NOX5: variants seen among roughly 807,000 people sequenced by gnomAD.
NOX5 encodes the protein NADPH oxidase 5.
In NOX5, 76 loss-of-function variants were observed where a neutral mutation model predicts 85.7. That is an observed-to-expected ratio of 0.89 (90% CI 0.74 to 1.07). The LOEUF is 1.07. Among genes scored for constraint, NOX5 ranks in the 50% least tolerant of loss-of-function variants. NOX5 has a pLI of 0.00. For synonymous variants in NOX5, 405 were observed against 401.4 expected (o/e 1.01, Z -0.11); for missense variants, 973 against 999.5 (o/e 0.97, Z 0.36).
Position 69,058,722 on chromosome 15 carries a change from C to A in NOX5, c.*2026C>A, listed in dbSNP as rs2050843131. Reference sequence around the variant, plus strand: ...AGGCACACAACTCACCAGGGAAACTCACACCTGGAGTTTTACCAGCCTGAG... The same window carrying A: ...AGGCACACAACTCACCAGGGAAACTAACACCTGGAGTTTTACCAGCCTGAG... On this transcript the variant is annotated 3_prime_UTR_variant, in exon 16 of 16. Coordinates refer to ENST00000388866, the MANE Select transcript of NOX5 (RefSeq NM_024505.4). The A allele has an allele frequency of 6.6e-6, 1 of 152,254 alleles. No homozygotes were observed. Among genetic ancestry groups the A allele is most frequent in the South Asian group, 2.1e-4 (1 of 4,816 alleles). The allele number at this position is 152,254 out of a possible 1,614,324, so 9.4% of individuals were successfully genotyped here. A position where few individuals can be genotyped will look rare whatever the true frequency, so the allele number is the denominator to read the frequency against.
rs1051195901 is a variant in NOX5, at chr15:69,060,629, G to T, written c.*3933G>T. 6.6e-6 allele frequency: 1 copy of T among 152,130 alleles called. No homozygotes were observed. The highest frequency in any genetic ancestry group is 2.4e-5 in the African/African-American group (1 of 41,416). The allele number at this position is 152,130 out of a possible 1,614,324, so 9.4% of individuals were successfully genotyped here. A position where few individuals can be genotyped will look rare whatever the true frequency, so the allele number is the denominator to read the frequency against. On this transcript the variant is annotated 3_prime_UTR_variant, in exon 16 of 16. Transcript: ENST00000388866. The stretch of plus-strand genomic sequence containing the variant: ...TTTTTGTTTTACTTTTTGCCCTTCT[G>T]TAAAGTTTAAGTTTTTATTAATATT...
At chr15:69,018,783 CGGGCCA>C (rs1309525837) in intron 1 of NOX5, among the ~76,000 whole-genome samples, 1 of 152,128 alleles carries the variant, frequency 6.6e-6, no homozygotes, top group East Asian at 1.9e-4. Context: ...AGCCACATCC[CGGGCCA>C]GAGCTCACTG....
rs1215243695 is a variant in NOX5 at position 69,060,301 on chromosome 15, G to A, written c.*3605G>A. The A allele has an allele frequency of 6.6e-6, 1 of 152,376 alleles. No homozygotes were observed. The highest frequency in any genetic ancestry group is 1.5e-5 in the Non-Finnish European group (1 of 68,136). 9.4% of individuals were successfully genotyped at this position (152,376 alleles called of 1,614,324 possible). A position where few individuals can be genotyped will look rare whatever the true frequency, so the allele number is the denominator to read the frequency against. ...GACAAGGTTGAAGGTAGGGAGGGAT[G>A]AGGAACATTAGCCGAGACTGGCTCT... On this transcript the variant is annotated 3_prime_UTR_variant, in exon 16 of 16. Transcript: ENST00000388866.
At position 69,055,473 on chromosome 15, in the gene NOX5, C is replaced by T; in HGVS notation, c.2139C>T (p.Thr713=). 6.2e-7 allele frequency: 1 copy of T among 1,614,076 alleles called. No homozygotes were observed. Among genetic ancestry groups the T allele is most frequent in the Non-Finnish European group, 8.5e-7 (1 of 1,180,022 alleles). The change falls in exon 15 of 16, where the codon ACC becomes ACT. Residue 713 remains threonine, a synonymous_variant. Transcript: ENST00000388866. ...KDSITGLQTR[T]QPGRPDWSKV... ...CCATCACGGGGCTGCAGACGCGCACCCAGCCTGGGCGGCCTGACTGGAGCA... is the reference window on the plus strand; with the variant it reads ...CCATCACGGGGCTGCAGACGCGCACTCAGCCTGGGCGGCCTGACTGGAGCA...
chr15:69,033,692 C>A (rs796728457), intron 5 of NOX5, among the ~76,000 whole-genome samples: 1 of 136,390 alleles, frequency 7.3e-6, no homozygotes, highest in African/African-American at 2.9e-5. Context: ...TTTTTTCTTT[C>A]TTTTTTTTCT....
chr15:69,047,983 C>G (rs1035497709), intron 13 of NOX5, 72 bp downstream of exon 13: 2 of 1,372,688 alleles, frequency 1.5e-6, no homozygotes, highest in Non-Finnish European at 2.1e-6. Context: ...GGAGCCCATC[C>G]TCCTGTGCAA....
At chr15:69,033,309 A>C in intron 5 of NOX5, 32 bp downstream of exon 5, 1 of 1,582,754 alleles carries the variant, frequency 6.3e-7, no homozygotes, top group East Asian at 2.3e-5. Context: ...TGCTCTGAAA[A>C]TGTTAATTAG....
In NOX5 at chr15:69,055,433, A is replaced by G. The variant is rs2050799698; in HGVS notation, c.2099A>G (p.Lys700Arg). 3 of 1,614,202 alleles carry G rather than the reference A, an allele frequency of 1.9e-6. No homozygotes were observed. Among genetic ancestry groups the G allele is most frequent in the Non-Finnish European group, 2.5e-6 (3 of 1,180,044 alleles). The change falls in exon 15 of 16, where the codon AAG becomes AGG. Residue 700 changes from lysine to arginine, a missense_variant. Coordinates refer to ENST00000388866, the MANE Select transcript of NOX5 (RefSeq NM_024505.4). Reference sequence around the variant, plus strand: ...ATGGCCCTTGACCTCCTGGCCAACAAGGAGAAGAAAGACTCCATCACGGGG... The same window carrying G: ...ATGGCCCTTGACCTCCTGGCCAACAGGGAGAAGAAAGACTCCATCACGGGG... ...LQMALDLLAN[K>R]EKKDSITGLQ...
chr15:69,035,687 G>GA, intron 6 of NOX5, 71 bp from the exon 7 acceptor site: 1 of 1,581,684 alleles, frequency 6.3e-7, no homozygotes, highest in East Asian at 2.2e-5. Flanking sequence ...GCAGGGTGGG[G>GA]ATCCCAATGG....
chr15:69,052,455 T>C (rs1240164554), intron 14 of NOX5, among the ~76,000 whole-genome samples: 1 of 152,238 alleles, frequency 6.6e-6, no homozygotes, highest in Non-Finnish European at 1.5e-5. Context: ...CATTGTTTTG[T>C]TTTCCTTATA....
Position 69,047,836 on chromosome 15 carries a change from G to A in NOX5, c.1824G>A (p.Gln608=), listed in dbSNP as rs1421626107. The A allele has an allele frequency of 6.2e-7, 1 of 1,614,048 alleles. No homozygotes were observed. Among genetic ancestry groups the A allele is most frequent in the South Asian group, 1.1e-5 (1 of 91,068 alleles). Reference sequence around the variant, plus strand: ...TCCTCCTGCCTCCCCTCAGGCACCAGAAAAGAAAGCATACTTGCCCCAGCT... The same window carrying A: ...TCCTCCTGCCTCCCCTCAGGCACCAAAAAAGAAAGCATACTTGCCCCAGCT... ...SILQSIMYRH[Q]KRKHTCPSCQ... Residue 608 remains glutamine (Q), a synonymous_variant, in exon 13 of 16, where the codon CAG becomes CAA. Coordinates refer to ENST00000388866, the MANE Select transcript of NOX5 (RefSeq NM_024505.4).
At chr15:69,031,359 G>A in intron 3 of NOX5, 159 bp from the exon 4 acceptor site, 1 of 727,972 alleles carries the variant, frequency 1.4e-6, no homozygotes, top group Non-Finnish European at 2.2e-6. Context: ...CCCGTGGGGA[G>A]GTGTCCATTG....
chr15:69,042,738 C>T lies in NOX5; in HGVS notation c.1580C>T (p.Pro527Leu). ...TATGAGTCCTTCAAGGCATCAGACCCACTGGGCCGTGGTTCTAAGAGGCTG... is the reference window on the plus strand; with the variant it reads ...TATGAGTCCTTCAAGGCATCAGACCTACTGGGCCGTGGTTCTAAGAGGCTG... Reference protein sequence around the residue: ...RLYESFKASDPLGRGSKRLSR... With the variant: ...RLYESFKASDLLGRGSKRLSR... Residue 527 changes from proline to leucine, a missense_variant, in exon 10 of 16, where the codon CCA (proline) becomes CTA (leucine). By Grantham distance (98) the Pro-to-Leu change is moderately conservative. Coordinates refer to ENST00000388866, the MANE Select transcript of NOX5 (RefSeq NM_024505.4). 6.2e-7 allele frequency: 1 copy of T among 1,614,174 alleles called. No homozygotes were observed. The highest frequency in any genetic ancestry group is 8.5e-7 in the Non-Finnish European group (1 of 1,180,036).
chr15:69,026,517 T>C lies in NOX5; in HGVS notation c.51-11T>C. The stretch of plus-strand genomic sequence containing the variant: ...CCCCAAGCCCATAAACCTGTTTCCT[T>C]TGCCTCCCAGCACCATGAGTGCCGA... On this transcript the variant is annotated splice_polypyrimidine_tract_variant and intron_variant, in intron 1 of 15. Coordinates refer to ENST00000388866, the MANE Select transcript of NOX5 (RefSeq NM_024505.4). 1 of 1,613,966 alleles carries C rather than the reference T, an allele frequency of 6.2e-7. No individual in the cohort carries two copies. Among genetic ancestry groups the C allele is most frequent in the Non-Finnish European group, 8.5e-7 (1 of 1,179,934 alleles).
chr15:69,033,708 T>C (rs1346937062), intron 5 of NOX5, among the ~76,000 whole-genome samples: 2 of 149,582 alleles, frequency 1.3e-5, no homozygotes, highest in Non-Finnish European at 3.0e-5. Flanking sequence ...TTTCTTTTTT[T>C]TTTTTTTTTG....
chr15:69,036,972 G>C (rs1334290789), intron 7 of NOX5, 56 bp from the exon 8 acceptor site: 1 of 1,419,696 alleles, frequency 7.0e-7, no homozygotes, highest in African/African-American at 1.4e-5. Context: ...TCCTGGCTCT[G>C]TTCCACCCCC....
intron 1 of NOX5, chr15:69,023,847 T>C: frequency 5.6e-6 from 1 of 177,274 alleles, no homozygotes; most frequent in Non-Finnish European, 1.3e-5. Flanking sequence ...ATGCTTCTCC[T>C]GACCATCTCT....
chr15:69,035,538 GAGAAGCTTGAGC>G, intron 6 of NOX5, 31 bp downstream of exon 6: 1 of 1,611,078 alleles, frequency 6.2e-7, no homozygotes, highest in Non-Finnish European at 8.5e-7. Context: ...TTGGGTCGGG[GAGAAGCTTGAGC>G]AGCCTCAAGC....
chr15:69,035,863 T>C lies in NOX5; in HGVS notation c.1115T>C (p.Val372Ala). 1 of 1,614,080 alleles carries C rather than the reference T, an allele frequency of 6.2e-7. No individual in the cohort carries two copies. The highest frequency in any genetic ancestry group is 2.2e-5 in the East Asian group (1 of 44,884). ...CACGGTTCGGCCTCCCCGACAGGTG[T>C]CGCTCTGCTGCTGCTGCTCCTCCTC... Reference protein sequence around the residue: ...WVHGSASPTGVALLLLLLLMF... With the variant: ...WVHGSASPTGAALLLLLLLMF... Residue 372 changes from valine (V) to alanine (A), a missense_variant, in exon 7 of 16, where the codon GTC becomes GCC. By Grantham distance (64) the Val-to-Ala change is moderately conservative (BLOSUM62 0). Coordinates refer to ENST00000388866, the MANE Select transcript of NOX5 (RefSeq NM_024505.4).
Sources: allele counts gnomAD v4.1 joint callset (sites outside exome capture counted in the v4.1 genomes callset), GRCh38; gene constraint gnomAD v4.1.1; transcripts MANE v1.5; gene names NCBI Gene and HGNC (gene_info 2026-07-23, HGNC 2026-07-21).